MAP3K4: variants seen among roughly 807,000 people sequenced by gnomAD.
The protein encoded by MAP3K4 is MAP three kinase 1.
In MAP3K4, 67 loss-of-function variants were observed where a neutral mutation model predicts 185.6. The ratio of observed to expected loss-of-function variants is 0.36; its 90% confidence interval spans 0.30 to 0.44. The LOEUF (loss-of-function observed/expected upper bound fraction) is 0.44, where lower values mean the gene tolerates loss of function less well. MAP3K4 is among the 20% of genes least tolerant of loss of function. MAP3K4 has a pLI of 1.00. For missense variants in MAP3K4, 1,551 were observed against 1,995.1 expected (o/e 0.78, Z 4.24); for synonymous variants, 702 against 710.4 (o/e 0.99, Z 0.19).
intron 2 of MAP3K4, among the ~76,000 whole-genome samples, chr6:161,045,496 A>G (rs1019691816): frequency 2.0e-5 from 3 of 152,048 alleles, no homozygotes; most frequent in Non-Finnish European, 2.9e-5. Flanking sequence ...GATTGCTTTC[A>G]TTGTTGGAAT....
Position 161,049,594 on chromosome 6 carries a change from A to C in MAP3K4, c.1322A>C (p.Glu441Ala). The stretch of plus-strand genomic sequence containing the variant: ...CGACCATCCAAAGGTAATGAGCCGG[A>C]GTATGAGGGTGATGACACAGAAGGA... ...SPRPSKGNEP[E>A]YEGDDTEGEL... Residue 441 changes from glutamate to alanine, a missense_variant, in exon 3 of 27, where the codon GAG (glutamate) becomes GCG (alanine). By Grantham distance (107) the Glu-to-Ala change is moderately radical. Around this residue, in one of 16 missense-constraint regions of MAP3K4, gnomAD observed 126 missense variants for 112.8 expected, o/e 1.12. Transcript: ENST00000392142. This position sits in a 1 kb window ranked among gnomAD's most constrained non-coding sequence, Gnocchi z 8.4. The C allele has an allele frequency of 6.2e-7, 1 of 1,614,180 alleles. No individual in the cohort carries two copies. Among genetic ancestry groups the C allele is most frequent in the Non-Finnish European group, 8.5e-7 (1 of 1,180,034 alleles).
chr6:161,069,155 C>T lies in MAP3K4; in HGVS notation c.1708-1453C>T, dbSNP rs75976468. On this transcript the variant is annotated intron_variant, in intron 3 of 26. Transcript: ENST00000392142. Reference sequence around the variant, plus strand: ...TATTTTTAAAATGAAGAAATCAACCCTGAGAGACTACTCAGTGCTTCCAGA... The same window carrying T: ...TATTTTTAAAATGAAGAAATCAACCTTGAGAGACTACTCAGTGCTTCCAGA... 3.0e-4 allele frequency among the ~76,000 whole-genome samples: 46 copies of T among 152,232 alleles called. No homozygotes were observed. In the East Asian group the frequency reaches 7.1e-3, roughly 24 times the overall value.
chr6:161,066,814 C>A (rs978044993), intron 3 of MAP3K4, among the ~76,000 whole-genome samples: 11 of 152,176 alleles, frequency 7.2e-5, no homozygotes, highest in Admixed American at 3.3e-4. Flanking sequence ...GCAATGTGGT[C>A]TTGCACTTTT....
At chr6:161,042,881 A>C (rs150077693) in intron 2 of MAP3K4, among the ~76,000 whole-genome samples, 1 of 149,066 alleles carries the variant, frequency 6.7e-6, no homozygotes, top group Admixed American at 6.8e-5. Flanking sequence ...AAGTAGAGCA[A>C]ATATTTTGCA....
Position 160,992,071 on chromosome 6 carries a change from G to A in MAP3K4, c.140G>A (p.Cys47Tyr). The A allele has an allele frequency of 1.9e-6, 3 of 1,574,024 alleles. No individual in the cohort carries two copies. The highest frequency in any genetic ancestry group is 2.6e-6 in the Non-Finnish European group (3 of 1,165,982). ...GAGACCGAGTCAGAACCCGAGTGCT[G>A]CTTGGCGGCGAGGTGAGTGTGGCGG... ...EPETESEPEC[C>Y]LAARQEGTLG... Residue 47 changes from cysteine (C) to tyrosine (Y), a missense_variant, in exon 1 of 27, where the codon TGC becomes TAC. Around this residue, in one of 16 missense-constraint regions of MAP3K4, gnomAD observed 287 missense variants for 268.8 expected, o/e 1.07. Coordinates refer to ENST00000392142, the MANE Select transcript of MAP3K4 (RefSeq NM_005922.4).
In MAP3K4 at chr6:161,087,310, A is replaced by G. The variant is rs142712163; in HGVS notation, c.2557-378A>G. ...GCCCTGGAATAATTAGAGAATCTGT[A>G]TTAACAATTTTTGCCTTTTTCCCAA... On this transcript the variant is annotated intron_variant, in intron 9 of 26. Coordinates refer to ENST00000392142, the MANE Select transcript of MAP3K4 (RefSeq NM_005922.4). The surrounding 1 kb of genome is among the most constrained non-coding windows in gnomAD (Gnocchi z 4.9). Among the ~76,000 whole-genome samples, 5 of 152,328 alleles carry G rather than the reference A, an allele frequency of 3.3e-5. No individual in the cohort carries two copies. The highest frequency in any genetic ancestry group is 3.3e-4 in the Admixed American group (5 of 15,302).
chr6:161,032,191 T>A (rs945549650), intron 1 of MAP3K4, among the ~76,000 whole-genome samples: 3 of 152,200 alleles, frequency 2.0e-5, no homozygotes, highest in African/African-American at 7.2e-5. Context: ...AGAAACCTTA[T>A]AATATTGAGT....
chr6:161,007,826 AATTTT>A lies in MAP3K4; in HGVS notation c.152+15746_152+15750del, dbSNP rs1361047810. ...GCTGTCAATTGTAATATGCAGCATA[AATTTT>A]ATATGTCACTAAGGAAAAACTGCAA... On this transcript the variant is annotated intron_variant, in intron 1 of 26. Coordinates refer to ENST00000392142, the MANE Select transcript of MAP3K4 (RefSeq NM_005922.4). This position sits in a 1 kb window ranked among gnomAD's most constrained non-coding sequence, Gnocchi z 4.5. Among the ~76,000 whole-genome samples the A allele has an allele frequency of 6.6e-6, 1 of 152,196 alleles. No individual in the cohort carries two copies. The highest frequency in any genetic ancestry group is 1.5e-5 in the Non-Finnish European group (1 of 68,018).
intron 1 of MAP3K4, among the ~76,000 whole-genome samples, chr6:161,015,443 C>T (rs1782047762): frequency 6.6e-6 from 1 of 152,124 alleles, no homozygotes; most frequent in Non-Finnish European, 1.5e-5. Flanking sequence ...ATCCTGCACA[C>T]GTATCCTGGA....
chr6:161,083,552 C>T (rs980606394), intron 6 of MAP3K4, among the ~76,000 whole-genome samples: 2 of 152,322 alleles, frequency 1.3e-5, no homozygotes, highest in African/African-American at 4.8e-5. Flanking sequence ...ACAGCATGGC[C>T]GCAGGACTTT....
At chr6:161,035,432 A>G (rs549624764) in intron 2 of MAP3K4, among the ~76,000 whole-genome samples, 1 of 152,142 alleles carries the variant, frequency 6.6e-6, no homozygotes, top group Admixed American at 6.5e-5. Context: ...TTCACTTTGC[A>G]TTCCCATCAG....
chr6:161,041,940 T>A lies in MAP3K4; in HGVS notation c.344-6676T>A, dbSNP rs1017632856. Among the ~76,000 whole-genome samples the A allele has an allele frequency of 1.7e-4, 23 of 135,374 alleles. 1 individual carries two copies. Among genetic ancestry groups the A allele is most frequent in the Non-Finnish European group, 1.9e-4 (12 of 63,420 alleles). The allele number at this position is 135,374 out of a possible 152,430, so 88.8% of individuals were successfully genotyped here. ...TTTTTTTTTTTCTTTTTTTTTTTTT[T>A]AGAGATGGGGTCTCGCTATGTTGCC... is the stretch of plus-strand genomic sequence containing the variant. On this transcript the variant is annotated intron_variant, in intron 2 of 26. Transcript: ENST00000392142.
intron 2 of MAP3K4, among the ~76,000 whole-genome samples, chr6:161,041,479 G>C (rs974677034): frequency 1.3e-5 from 2 of 152,242 alleles, no homozygotes; most frequent in African/African-American, 4.8e-5. Flanking sequence ...TTGCAGGGCT[G>C]TCGCATGGAG....
chr6:161,098,541 G>GT lies in MAP3K4; in HGVS notation c.3674+115dup, dbSNP rs1234715817. The GT allele has an allele frequency of 7.7e-7, 1 of 1,305,862 alleles. No homozygotes were observed. Among genetic ancestry groups the GT allele is most frequent in the Non-Finnish European group, 1.0e-6 (1 of 961,630 alleles). 80.9% of individuals were successfully genotyped at this position (1,305,862 alleles called of 1,614,324 possible). On this transcript the variant is annotated intron_variant, in intron 17 of 26. Coordinates refer to ENST00000392142, the MANE Select transcript of MAP3K4 (RefSeq NM_005922.4). The surrounding 1 kb of genome is among the most constrained non-coding windows in gnomAD (Gnocchi z 4.4). ...TGGTTGGGCTTCTTTGCTGTGGCGT[G>GT]TGAGTGATGCTCTAGGGCCTTCCGC... is the stretch of plus-strand genomic sequence containing the variant.
In MAP3K4 at chr6:160,996,254, G is replaced by A. The variant is rs1488247119; in HGVS notation, c.152+4171G>A. 6.6e-6 allele frequency among the ~76,000 whole-genome samples: 1 copy of A among 152,190 alleles called. No individual in the cohort carries two copies. Among genetic ancestry groups the A allele is most frequent in the African/African-American group, 2.4e-5 (1 of 41,442 alleles). ...TGGCGGGGGTGGCGTTAGGCAGAGA[G>A]GAGTCACCAAACAGCAGTGATGGCA... On this transcript the variant is annotated intron_variant, in intron 1 of 26. Coordinates refer to ENST00000392142, the MANE Select transcript of MAP3K4 (RefSeq NM_005922.4). The surrounding 1 kb of genome is among the most constrained non-coding windows in gnomAD (Gnocchi z 4.5).
intron 19 of MAP3K4, 37 bp downstream of exon 19, chr6:161,102,816 AAAAAAAAACAC>A (rs1562542130): frequency 7.1e-7 from 1 of 1,408,752 alleles, no homozygotes. Flanking sequence ...AAAAAAAAAA[AAAAAAAAACAC>A]GATTACACAT....
Position 161,102,774 on chromosome 6 carries a change from G to A in MAP3K4, c.3851G>A (p.Ser1284Asn). 1 of 1,090,712 alleles carries A rather than the reference G, an allele frequency of 9.2e-7. No homozygotes were observed. The highest frequency in any genetic ancestry group is 1.4e-5 in the South Asian group (1 of 70,770). 67.6% of individuals were successfully genotyped at this position (1,090,712 alleles called of 1,614,324 possible). The change falls in exon 19 of 27, where the codon AGT becomes AAT. Residue 1284 changes from serine (S) to asparagine (N), a missense_variant. By Grantham distance (46) the Ser-to-Asn change is conservative. Coordinates refer to ENST00000392142, the MANE Select transcript of MAP3K4 (RefSeq NM_005922.4). ...GAACTTCGGACACTAATCAGCCAGA[G>A]TAAAGGTGAGAGAAAGAGTGTTGAA... is the stretch of plus-strand genomic sequence containing the variant. ...SWELRTLISQSKDTASKLGPI... is the reference protein window; with the variant it reads ...SWELRTLISQNKDTASKLGPI...
At position 161,049,898 on chromosome 6, in the gene MAP3K4, A is replaced by C. The variant is rs1398063107; in HGVS notation, c.1626A>C (p.Leu542Phe). The change falls in exon 3 of 27, where the codon TTA (leucine) becomes TTC (phenylalanine). Residue 542 changes from leucine (L) to phenylalanine (F), a missense_variant. Leu to Phe is a conservative substitution (Grantham distance 22). This residue lies in a region of MAP3K4 where 86 missense variants were observed against 81.6 expected (regional missense o/e 1.05). Coordinates refer to ENST00000392142, the MANE Select transcript of MAP3K4 (RefSeq NM_005922.4). The surrounding 1 kb of genome is among the most constrained non-coding windows in gnomAD (Gnocchi z 8.4). Reference protein sequence around the residue: ...KALKQMGLRKLILRLHKLMDG... With the variant: ...KALKQMGLRKFILRLHKLMDG... ...TGAAGCAGATGGGGTTAAGAAAGTT[A>C]ATTTTAAGACTTCACAAGCTAATGG... 1 of 1,614,146 alleles carries C rather than the reference A, an allele frequency of 6.2e-7. No individual in the cohort carries two copies.
At chr6:161,000,768 CAT>C (rs1480938549) in intron 1 of MAP3K4, among the ~76,000 whole-genome samples, 52 of 151,412 alleles carry the variant, frequency 3.4e-4, no homozygotes, top group South Asian at 6.2e-4. Flanking sequence ...TGTATACACA[CAT>C]ATGTGTACAC....
Sources: gnomAD v4.1 joint callset for allele counts (sites outside exome capture counted in the v4.1 genomes callset) on GRCh38, gnomAD v4.1.1 for gene constraint, gnomAD v4.1.1 regional missense constraint, Gnocchi (gnomAD v3.1) non-coding constraint, MANE v1.5 for transcripts, NCBI Gene and HGNC (gene_info 2026-07-23, HGNC 2026-07-21) for gene names.